AFF2: variants seen among roughly 807,000 people sequenced by gnomAD.
AFF2 encodes ALF transcription elongation factor 2, also known as AF4/FMR2 family member 2.
In AFF2, 14 loss-of-function variants were observed where a neutral mutation model predicts 76.9. The ratio of observed to expected loss-of-function variants is 0.18; its 90% CI spans 0.12 to 0.28. AFF2 has a LOEUF of 0.28. AFF2 is among the 10% of genes least tolerant of loss of function. The pLI is 1.00. For synonymous variants in AFF2, 398 were observed against 366.7 expected, an observed-to-expected ratio of 1.09 and a Z score of -0.98; for missense variants, 868 against 1,001.1, an observed-to-expected ratio of 0.87 and a Z score of 1.79.
At chrX:148,669,251 C>G (rs1557258835) in intron 3 of AFF2, among the ~76,000 whole-genome samples, 2 of 112,051 alleles carry the variant, frequency 1.8e-5, no homozygotes, top group Non-Finnish European at 3.8e-5. Flanking sequence ...CAACAAGTCT[C>G]TAGGAAGTTC....
At chrX:148,945,091 CA>C (rs2071884990) in intron 9 of AFF2, among the ~76,000 whole-genome samples, 1 of 111,259 alleles carries the variant, frequency 9.0e-6, no homozygotes, top group Non-Finnish European at 1.9e-5. Flanking sequence ...CCACTACGGC[CA>C]TGGATATAGC....
At chrX:148,891,073 A>G (rs1569556647) in intron 8 of AFF2, among the ~76,000 whole-genome samples, 2 of 111,834 alleles carry the variant, frequency 1.8e-5, no homozygotes, top group Non-Finnish European at 3.8e-5. Context: ...GGCATCATAG[A>G]TATAAAATCC....
intron 4 of AFF2, among the ~76,000 whole-genome samples, chrX:148,837,265 G>A (rs1282909502): frequency 8.9e-6 from 1 of 112,110 alleles, no homozygotes; most frequent in Non-Finnish European, 1.9e-5. Context: ...GAGAAGAGAC[G>A]ATGCCAGGGG....
intron 1 of AFF2, among the ~76,000 whole-genome samples, chrX:148,647,402 G>A (rs782751336): frequency 9.0e-6 from 1 of 111,676 alleles, no homozygotes. Flanking sequence ...TAAACAATGA[G>A]TATTAGCTTC....
rs781896344 is a variant in AFF2, at chrX:148,565,506, A to G, written c.47+64362A>G. The stretch of plus-strand genomic sequence containing the variant: ...TCGAGTATGTTAGTTTTAGCTTCAT[A>G]GTTCTCTGTTATCTTTAGCTTTTCC... On this transcript the variant is annotated intron_variant, in intron 1 of 20. Transcript: ENST00000370460. Among the ~76,000 whole-genome samples, 3 of 111,683 alleles carry G rather than the reference A, an allele frequency of 2.7e-5. No homozygotes were observed. In the South Asian group the frequency reaches 1.1e-3, roughly 42 times the overall value.
intron 7 of AFF2, among the ~76,000 whole-genome samples, chrX:148,856,416 T>C (rs782088198): frequency 9.0e-6 from 1 of 111,549 alleles, no homozygotes; most frequent in South Asian, 3.8e-4. Flanking sequence ...GAAGCTAAAT[T>C]TTTATAGCCA....
At chrX:148,673,965 A>T (rs2054452827) in intron 3 of AFF2, among the ~76,000 whole-genome samples, 1 of 112,723 alleles carries the variant, frequency 8.9e-6, no homozygotes, top group Non-Finnish European at 1.9e-5. Context: ...AAAATAATTT[A>T]TTAGTACAAA....
chrX:148,568,149 G>C (rs782232367), intron 1 of AFF2, among the ~76,000 whole-genome samples: 6 of 111,460 alleles, frequency 5.4e-5, no homozygotes, highest in South Asian at 3.8e-4. Context: ...CTGTCAAAAG[G>C]GGAGGAAAAA....
In AFF2 at chrX:148,544,415, A is replaced by T. The variant is rs781866807; in HGVS notation, c.47+43271A>T. ...ATATCCCCATCCCCACCCTGCTTTC[A>T]CTCTCTCTCTCTCTCTCTGTCTCTG... On this transcript the variant is annotated intron_variant, in intron 1 of 20. Coordinates refer to ENST00000370460, the MANE Select transcript of AFF2 (RefSeq NM_002025.4). Among the ~76,000 whole-genome samples the T allele has an allele frequency of 9.7e-4, 103 of 106,059 alleles. 1 individual carries two copies. Among genetic ancestry groups the T allele is most frequent in the African/African-American group, 3.3e-3 (97 of 29,319 alleles). The allele number at this position is 106,059 out of a possible 115,157, so 92.1% of individuals were successfully genotyped here. A position where few individuals can be genotyped will look rare whatever the true frequency, so the allele number is the denominator to read the frequency against.
At chrX:148,693,808 A>G (rs2054681909) in intron 3 of AFF2, among the ~76,000 whole-genome samples, 1 of 112,061 alleles carries the variant, frequency 8.9e-6, no homozygotes, top group Admixed American at 9.5e-5. Flanking sequence ...TCCTGGCCTC[A>G]CCTGGCAACA....
intron 1 of AFF2, among the ~76,000 whole-genome samples, chrX:148,514,996 A>C (rs2052520064): frequency 8.9e-6 from 1 of 112,273 alleles, no homozygotes; most frequent in Non-Finnish European, 1.9e-5. Flanking sequence ...TCTAAAGACT[A>C]TGGTGCATTT....
At chrX:148,543,521 A>G (rs1557237786) in intron 1 of AFF2, among the ~76,000 whole-genome samples, 1 of 111,316 alleles carries the variant, frequency 9.0e-6, no homozygotes, top group East Asian at 2.9e-4. Flanking sequence ...GACTTGCCCA[A>G]GGCCACAGGG....
intron 18 of AFF2, among the ~76,000 whole-genome samples, chrX:148,980,165 A>G (rs2072374737): frequency 8.9e-6 from 1 of 112,435 alleles, no homozygotes; most frequent in Non-Finnish European, 1.9e-5. Context: ...GAACAAAGGC[A>G]TATTTAGTAT....
At chrX:148,670,229 G>T (rs1325290137) in intron 3 of AFF2, among the ~76,000 whole-genome samples, 1 of 111,607 alleles carries the variant, frequency 9.0e-6, no homozygotes, top group African/African-American at 3.3e-5. Context: ...ATTAGGAAGG[G>T]TGTCCTGAGG....
intron 3 of AFF2, among the ~76,000 whole-genome samples, chrX:148,798,736 G>A (rs2070018968): frequency 8.9e-6 from 1 of 111,864 alleles, no homozygotes; most frequent in South Asian, 3.7e-4. Flanking sequence ...CTGATGCTGG[G>A]TATATGCTGT....
At chrX:148,692,647 ATATAAT>A (rs1430727203) in intron 3 of AFF2, among the ~76,000 whole-genome samples, 1 of 112,143 alleles carries the variant, frequency 8.9e-6, no homozygotes, top group Non-Finnish European at 1.9e-5. Context: ...TGTGTCATAC[ATATAAT>A]TATATATAAG....
rs1413527984 is a variant in AFF2, at chrX:148,656,538, C to A, written c.180+4407C>A. Among the ~76,000 whole-genome samples, 10 of 83,163 alleles carry A rather than the reference C, an allele frequency of 1.2e-4. No individual in the cohort carries two copies. The East Asian group carries it at 3.6e-3, about 30-fold the overall frequency. 72.2% of individuals were successfully genotyped at this position (83,163 alleles called of 115,157 possible). On this transcript the variant is annotated intron_variant, in intron 2 of 20. Coordinates refer to ENST00000370460, the MANE Select transcript of AFF2 (RefSeq NM_002025.4). ...TTTTTGAGACGGAGTCTCGCTCTGT[C>A]GCCCAGGCTGGAGTGCAGTGGCGGG... is the stretch of plus-strand genomic sequence containing the variant.
rs548569376 is a variant in AFF2, at chrX:148,614,693, TTTTCTTTC to T, written c.48-37273_48-37266del. ...CTTTTCTTCCTTCTTTCCTTCTTTC[TTTTCTTTC>T]TTTCTTTCTTTCTTTCTTTCTTTCT... On this transcript the variant is annotated intron_variant, in intron 1 of 20. Coordinates refer to ENST00000370460, the MANE Select transcript of AFF2 (RefSeq NM_002025.4). Among the ~76,000 whole-genome samples, 266 of 56,117 alleles carry T rather than the reference TTTTCTTTC, an allele frequency of 4.7e-3. 5 individuals carry two copies. The highest frequency in any genetic ancestry group is 5.7e-3 in the Non-Finnish European group (182 of 31,890). 48.7% of individuals were successfully genotyped at this position (56,117 alleles called of 115,157 possible). A position where few individuals can be genotyped will look rare whatever the true frequency, so the allele number is the denominator to read the frequency against.
intron 8 of AFF2, among the ~76,000 whole-genome samples, chrX:148,889,102 T>C (rs2071194213): frequency 8.9e-6 from 1 of 111,846 alleles, no homozygotes; most frequent in Non-Finnish European, 1.9e-5. Context: ...ACAGCAATCT[T>C]TTTCAAACAG....
Sources: gnomAD v4.1 joint callset for allele counts (sites outside exome capture counted in the v4.1 genomes callset) on GRCh38, gnomAD v4.1.1 for gene constraint, MANE v1.5 for transcripts, NCBI Gene and HGNC (gene_info 2026-07-23, HGNC 2026-07-21) for gene names.